The following RARB variants were observed in gnomAD, a reference collection of about 807,000 sequenced individuals.
The protein encoded by RARB is HBV-activated protein.
In RARB, 17 loss-of-function variants were observed where a neutral mutation model predicts 51.9. The observed-to-expected ratio is 0.33, with a 90% CI of 0.22 to 0.49. The LOEUF (loss-of-function observed/expected upper bound fraction) is 0.49, where lower values mean the gene tolerates loss of function less well. Ranked by LOEUF, RARB falls within the 20% of genes least tolerant of loss-of-function variation. The pLI is 0.99. For synonymous variants in RARB, 215 were observed against 195.4 expected (o/e 1.10, Z -0.84); for missense variants, 369 against 550.8 (o/e 0.67, Z 3.30).
At chr3:25,175,712 C>T (rs1269363335) in intron 5 of RARB, among the ~76,000 whole-genome samples, 1 of 152,138 alleles carries the variant, frequency 6.6e-6, no homozygotes, top group Non-Finnish European at 1.5e-5. Context: ...AATCATAGTA[C>T]TATATCATTC....
intron 5 of RARB, among the ~76,000 whole-genome samples, chr3:25,179,711 C>T (rs1453752792): frequency 6.6e-6 from 1 of 152,104 alleles, no homozygotes; most frequent in Non-Finnish European, 1.5e-5. Context: ...TTTTAGTGGA[C>T]TTTCTTAGGC....
At chr3:25,166,292 T>C (rs1010285675) in intron 4 of RARB, among the ~76,000 whole-genome samples, 1 of 152,186 alleles carries the variant, frequency 6.6e-6, no homozygotes, top group African/African-American at 2.4e-5. Flanking sequence ...AACTGACTTC[T>C]TTACATCCAT....
rs185694706 is a variant in RARB, at chr3:25,260,638, A to T, written c.178+86063A>T. Among the ~76,000 whole-genome samples, 98 of 152,210 alleles carry T rather than the reference A, an allele frequency of 6.4e-4. No homozygotes were observed. In the Middle Eastern group the frequency reaches 0.014, roughly 21 times the overall value. ...CTTCATCTTACCTGCCCACTAGAGG[A>T]AAAGGGGTCCCATCTCTTTTCCTCT... On this transcript the variant is annotated intron_variant, in intron 5 of 11. Transcript: ENST00000383772.
intron 5 of RARB, among the ~76,000 whole-genome samples, chr3:25,299,981 T>C (rs551803017): frequency 4.6e-5 from 7 of 152,388 alleles, no homozygotes; most frequent in African/African-American, 1.7e-4. Context: ...TAGCATTAAA[T>C]ATGTGTTAAA....
intron 2 of RARB, among the ~76,000 whole-genome samples, chr3:25,483,332 T>G (rs1696320951): frequency 6.6e-6 from 1 of 152,194 alleles, no homozygotes; most frequent in Non-Finnish European, 1.5e-5. Flanking sequence ...CTAGTTTATT[T>G]AGTTGAATTA....
At chr3:25,523,333 G>C (rs1263983812) in intron 3 of RARB, among the ~76,000 whole-genome samples, 5 of 152,204 alleles carry the variant, frequency 3.3e-5, no homozygotes, top group Non-Finnish European at 7.3e-5. Flanking sequence ...TCAAGGAAGT[G>C]TGGGTAAGTT....
chr3:24,913,186 G>C (rs1228163126), intron 2 of RARB, among the ~76,000 whole-genome samples: 1 of 151,444 alleles, frequency 6.6e-6, no homozygotes. Context: ...GGGTTTCACT[G>C]TGTTAGCCAC....
Position 25,007,887 on chromosome 3 carries a change from C to T in RARB, c.-379-52238C>T, listed in dbSNP as rs113919371. Among the ~76,000 whole-genome samples the T allele has an allele frequency of 9.7e-3, 1,475 of 152,006 alleles. 7 individuals are homozygous for T. The highest frequency in any genetic ancestry group is 0.012 in the Non-Finnish European group (801 of 67,984). Reference sequence around the variant, plus strand: ...GATGATCATAGTTTAATTCCATGCTCGCTTTATACCCACAGGGTGACCTTG... The same window carrying T: ...GATGATCATAGTTTAATTCCATGCTTGCTTTATACCCACAGGGTGACCTTG... On this transcript the variant is annotated intron_variant, in intron 2 of 11. Transcript: ENST00000383772.
At chr3:24,977,438 G>A (rs1696542478) in intron 2 of RARB, among the ~76,000 whole-genome samples, 1 of 152,160 alleles carries the variant, frequency 6.6e-6, no homozygotes, top group Non-Finnish European at 1.5e-5. Context: ...TTATTTCGTT[G>A]AGCAGTGGTT....
chr3:25,205,354 C>T (rs1317790636), intron 5 of RARB, among the ~76,000 whole-genome samples: 3 of 152,130 alleles, frequency 2.0e-5, no homozygotes, highest in Admixed American at 6.5e-5. Flanking sequence ...AAGGGAATTC[C>T]CTGACCCCTT....
intron 5 of RARB, among the ~76,000 whole-genome samples, chr3:25,583,554 C>T (rs531315408): frequency 8.5e-5 from 13 of 152,350 alleles, no homozygotes; most frequent in South Asian, 4.1e-4. Context: ...CGGTCAGCTG[C>T]GGGACACGCA....
intron 5 of RARB, among the ~76,000 whole-genome samples, chr3:25,370,979 C>T (rs1706281382): frequency 1.3e-5 from 2 of 152,188 alleles, no homozygotes; most frequent in Admixed American, 6.5e-5. Flanking sequence ...ACATGGCCCT[C>T]TTATCTTCAT....
At chr3:25,213,300 A>T (rs1303376173) in intron 5 of RARB, among the ~76,000 whole-genome samples, 1 of 152,042 alleles carries the variant, frequency 6.6e-6, no homozygotes, top group Non-Finnish European at 1.5e-5. Context: ...TACACTACAT[A>T]CTATATAATC....
intron 3 of RARB, among the ~76,000 whole-genome samples, chr3:25,516,558 A>G (rs991746288): frequency 6.6e-6 from 1 of 152,068 alleles, no homozygotes; most frequent in African/African-American, 2.4e-5. Flanking sequence ...TAGGCAACCT[A>G]GTTAAAAAAA....
chr3:25,525,750 T>TAAATAA (rs111591203), intron 3 of RARB, among the ~76,000 whole-genome samples: 22,220 of 152,012 alleles, frequency 0.15, 2,062 homozygotes, highest in African/African-American at 0.26. Context: ...CATGTAAATA[T>TAAATAA]AAATATGAAG....
intron 3 of RARB, among the ~76,000 whole-genome samples, chr3:25,084,797 A>G (rs936273003): frequency 6.6e-6 from 1 of 150,928 alleles, no homozygotes; most frequent in Non-Finnish European, 1.5e-5. Flanking sequence ...TTTAATATGT[A>G]TATTTATTTT....
At chr3:25,560,814 A>G (rs575347457) in intron 3 of RARB, among the ~76,000 whole-genome samples, 2 of 152,182 alleles carry the variant, frequency 1.3e-5, no homozygotes, top group African/African-American at 4.8e-5. Context: ...TATATTATAT[A>G]TCATGTGCAT....
At chr3:25,347,612 A>G (rs1286833471) in intron 5 of RARB, among the ~76,000 whole-genome samples, 1 of 152,250 alleles carries the variant, frequency 6.6e-6, no homozygotes, top group East Asian at 1.9e-4. Context: ...TTAGCAGCCA[A>G]AAGGCATGGA....
chr3:24,907,838 A>AT (rs1315179804), intron 2 of RARB, among the ~76,000 whole-genome samples: 1 of 152,170 alleles, frequency 6.6e-6, no homozygotes, highest in Non-Finnish European at 1.5e-5. Flanking sequence ...TGAACTTAAT[A>AT]TATTACCAAT....
Sources: gnomAD v4.1 joint callset for allele counts (sites outside exome capture counted in the v4.1 genomes callset) on GRCh38, gnomAD v4.1.1 for gene constraint, MANE v1.5 for transcripts, NCBI Gene and HGNC (gene_info 2026-07-23, HGNC 2026-07-21) for gene names.